ANK3: variants seen among roughly 807,000 people sequenced by gnomAD.
The protein encoded by ANK3 is ankyrin-3.
Under a neutral mutation model 370.9 loss-of-function variants are expected in ANK3, and 57 were observed. The observed-to-expected ratio is 0.15, with a 90% CI of 0.12 to 0.19. The LOEUF (loss-of-function observed/expected upper bound fraction) is 0.19, where lower values mean the gene tolerates loss of function less well. ANK3 is among the 10% of genes least tolerant of loss of function. ANK3 has a pLI of 1.00. For missense variants in ANK3, 4,439 were observed against 5,302.1 expected, an observed-to-expected ratio of 0.84 and a Z score of 5.06; for synonymous variants, 1,929 against 1,946.3, an observed-to-expected ratio of 0.99 and a Z score of 0.23.
intron 43 of ANK3, among the ~76,000 whole-genome samples, chr10:60,035,052 T>G (rs945418431): frequency 2.0e-5 from 3 of 152,114 alleles, no homozygotes; most frequent in African/African-American, 7.2e-5. Flanking sequence ...TGTTCATTCG[T>G]GTTTTAGCAG....
intron 1 of ANK3, among the ~76,000 whole-genome samples, chr10:60,627,223 C>T (rs979610621): frequency 4.6e-4 from 70 of 151,968 alleles, no homozygotes; most frequent in African/African-American, 1.6e-3. Context: ...TAAAGGAACT[C>T]ATAACATGAA....
intron 1 of ANK3, among the ~76,000 whole-genome samples, chr10:60,720,531 A>G (rs1227982549): frequency 6.6e-6 from 1 of 152,254 alleles, no homozygotes; most frequent in African/African-American, 2.4e-5. Context: ...TTATAAAAGT[A>G]TAGTCTTGCC....
intron 2 of ANK3, among the ~76,000 whole-genome samples, chr10:60,604,791 T>G (rs2078108506): frequency 6.6e-6 from 1 of 152,108 alleles, no homozygotes; most frequent in Admixed American, 6.6e-5. Context: ...TCAGAGGAGA[T>G]AACTCCCATA....
At chr10:60,262,027 A>G (rs2097814540) in intron 6 of ANK3, 70 bp from the exon 7 acceptor site, 1 of 1,315,676 alleles carries the variant, frequency 7.6e-7, no homozygotes, top group Non-Finnish European at 1.1e-6. Context: ...AAATATCATA[A>G]CCCTGCCCAA....
chr10:60,365,043 C>T (rs537136188), intron 1 of ANK3, among the ~76,000 whole-genome samples: 1 of 123,424 alleles, frequency 8.1e-6, no homozygotes, highest in Non-Finnish European at 1.9e-5. Flanking sequence ...CAAGTCAAGG[C>T]TTTGGCTATT....
In ANK3 at chr10:60,644,898, A is replaced by AAAAC. The variant is rs1554799751; in HGVS notation, c.58-29675_58-29674insGTTT. Among the ~76,000 whole-genome samples, 18 of 149,746 alleles carry AAAAC rather than the reference A, an allele frequency of 1.2e-4. No individual in the cohort carries two copies. In the East Asian group the frequency reaches 1.4e-3, roughly 11 times the overall value. On this transcript the variant is annotated intron_variant, in intron 1 of 43. Coordinates refer to the ANK3 transcript ENST00000373827. ...TACAGATAGTTTTAGTTTAAAAAAA[A>AAAAC]AAAAAACGATGAGTCATTGCTGCTC...
At chr10:60,636,582 C>T (rs1398666656) in intron 1 of ANK3, among the ~76,000 whole-genome samples, 4 of 152,198 alleles carry the variant, frequency 2.6e-5, no homozygotes, top group East Asian at 3.9e-4. Flanking sequence ...CCAGACAGAA[C>T]ATCCATCCAG....
intron 1 of ANK3, among the ~76,000 whole-genome samples, chr10:60,698,709 A>C (rs1481740034): frequency 3.1e-5 from 4 of 129,074 alleles, no homozygotes; most frequent in Non-Finnish European, 6.3e-5. Flanking sequence ...CAATGAGATC[A>C]CATGGACACA....
At chr10:60,272,224 C>T (rs1250919237) in intron 4 of ANK3, among the ~76,000 whole-genome samples, 1 of 151,666 alleles carries the variant, frequency 6.6e-6, no homozygotes, top group Non-Finnish European at 1.5e-5. Flanking sequence ...TTATCCTCAT[C>T]ATATTGCTAT....
intron 1 of ANK3, among the ~76,000 whole-genome samples, chr10:60,324,101 A>G (rs372962106): frequency 6.6e-6 from 1 of 152,230 alleles, no homozygotes; most frequent in Non-Finnish European, 1.5e-5. Context: ...GGGGACAAGC[A>G]TGTGAGATAC....
chr10:60,159,777 A>T (rs575404033), intron 23 of ANK3, among the ~76,000 whole-genome samples: 5 of 152,184 alleles, frequency 3.3e-5, no homozygotes, highest in Non-Finnish European at 7.4e-5. Context: ...CTTGGAAACT[A>T]TGCAAACACA....
Position 60,536,127 on chromosome 10 carries a change from C to A in ANK3, c.96+79059G>T, listed in dbSNP as rs545148951. Among the ~76,000 whole-genome samples, 9 of 152,136 alleles carry A rather than the reference C, an allele frequency of 5.9e-5. No homozygotes were observed. The South Asian group carries it at 1.7e-3, about 28-fold the overall frequency. On this transcript the variant is annotated intron_variant, in intron 2 of 43. Transcript: ENST00000373827. ...AGGAGTGACTAAAAACTACTTTCAACAAGTTTATCTGGTTATTTTTCAGGA... is the reference window on the plus strand; with the variant it reads ...AGGAGTGACTAAAAACTACTTTCAAAAAGTTTATCTGGTTATTTTTCAGGA...
chr10:60,411,317 C>A (rs1006567733), intron 2 of ANK3, among the ~76,000 whole-genome samples: 1 of 152,220 alleles, frequency 6.6e-6, no homozygotes, highest in African/African-American at 2.4e-5. Context: ...TTAGCAATAA[C>A]TGTACTTTCT....
At position 60,346,901 on chromosome 10, in the gene ANK3, G is replaced by A. The variant is rs77907622; in HGVS notation, c.114+42524C>T. 4.2e-3 allele frequency among the ~76,000 whole-genome samples: 635 copies of A among 151,694 alleles called. 1 individual carries two copies. Among genetic ancestry groups the A allele is most frequent in the Non-Finnish European group, 6.7e-3 (454 of 67,870 alleles). On this transcript the variant is annotated intron_variant, in intron 1 of 43. Coordinates refer to ENST00000280772, the MANE Select transcript of ANK3 (RefSeq NM_020987.5). ...TCACCCTTTACTCAACCACTATTACGTCATGTTGTTTAGGCCCTGATATTC... is the reference window on the plus strand; with the variant it reads ...TCACCCTTTACTCAACCACTATTACATCATGTTGTTTAGGCCCTGATATTC...
intron 2 of ANK3, among the ~76,000 whole-genome samples, chr10:60,399,391 T>A (rs2063309543): frequency 6.6e-6 from 1 of 152,010 alleles, no homozygotes; most frequent in African/African-American, 2.4e-5. Flanking sequence ...TCCTCCTCCC[T>A]CCCACCACGC....
At position 60,076,388 on chromosome 10, in the gene ANK3, A is replaced by G. The variant is rs1220826386; in HGVS notation, c.4493T>C (p.Phe1498Ser). 2 of 1,613,996 alleles carry G rather than the reference A, an allele frequency of 1.2e-6. No homozygotes were observed. Among genetic ancestry groups the G allele is most frequent in the Admixed American group, 3.3e-5 (2 of 59,996 alleles). Residue 1498 changes from phenylalanine (F) to serine (S), a missense_variant, in exon 37 of 44, where the codon TTT becomes TCT. By Grantham distance (155) the Phe-to-Ser change is radical (BLOSUM62 -2). Coordinates refer to ENST00000280772, the MANE Select transcript of ANK3 (RefSeq NM_020987.5). ...LPTTYSYKPF[F>S]STRPYQSWTT... is the part of the protein sequence containing the mutation. ...CCAGGACTGGTATGGTCTTGTAGAA[A>G]AGAATGGCTTGTATGAGTAAGTGGT...
At chr10:60,060,402 G>A (rs1182615143) in intron 40 of ANK3, 1 of 154,330 alleles carries the variant, frequency 6.5e-6, no homozygotes, top group East Asian at 1.9e-4. Context: ...TTCATACTGT[G>A]GTGGACTGAA....
At chr10:60,548,004 T>C (rs1334984360) in intron 2 of ANK3, among the ~76,000 whole-genome samples, 1 of 152,146 alleles carries the variant, frequency 6.6e-6, no homozygotes, top group Non-Finnish European at 1.5e-5. Context: ...CACACAAGTC[T>C]GAAACAGCAT....
intron 43 of ANK3, among the ~76,000 whole-genome samples, chr10:60,040,866 CTTTCG>C (rs2075968599): frequency 6.6e-6 from 1 of 152,260 alleles, no homozygotes; most frequent in African/African-American, 2.4e-5. Flanking sequence ...CTCTTTTCTA[CTTTCG>C]TTTCATTTTT....
Sources: allele counts gnomAD v4.1 joint callset (sites outside exome capture counted in the v4.1 genomes callset), GRCh38; gene constraint gnomAD v4.1.1; transcripts MANE v1.5; gene names NCBI Gene and HGNC (gene_info 2026-07-23, HGNC 2026-07-21).